The following ABCD2 variants were observed in gnomAD, a reference collection of about 807,000 sequenced individuals.
ABCD2 encodes ATP-binding cassette sub-family D member 2.
ABCD2 carries 36 observed loss-of-function variants against 70.9 expected under a neutral mutation model. That is an observed-to-expected ratio of 0.51 (90% CI 0.39 to 0.67). The LOEUF is 0.67. Ranked by LOEUF, ABCD2 falls within the 30% of genes least tolerant of loss-of-function variation. The pLI is 0.00. For missense variants in ABCD2, 729 were observed against 890.2 expected (o/e 0.82, Z 2.30); for synonymous variants, 304 against 306.9 (o/e 0.99, Z 0.10).
the ABCD2 span, among the ~76,000 whole-genome samples, chr12:39,531,410 G>C: frequency 4.6e-5 from 7 of 152,180 alleles, no homozygotes; most frequent in African/African-American, 1.2e-4. Flanking sequence ...AAGGAGGCTT[G>C]AGGGAACTTG....
chr12:39,603,197 G>A (rs745705378), intron 5 of ABCD2, among the ~76,000 whole-genome samples: 6 of 152,072 alleles, frequency 3.9e-5, no homozygotes, highest in Non-Finnish European at 7.4e-5. Flanking sequence ...TATCATGTTT[G>A]TAATTCTTTT....
intron 9 of ABCD2, among the ~76,000 whole-genome samples, chr12:39,565,065 T>A (rs190613092): frequency 3.9e-5 from 6 of 152,356 alleles, no homozygotes; most frequent in Non-Finnish European, 7.3e-5. Context: ...GGTAGCGTGA[T>A]GCCTCCAGCT....
chr12:39,560,487 A>G (rs760143678), intron 9 of ABCD2, among the ~76,000 whole-genome samples: 6 of 152,220 alleles, frequency 3.9e-5, no homozygotes, highest in Non-Finnish European at 5.9e-5. Flanking sequence ...ACAAAAAGAC[A>G]AAACTATTAA....
At chr12:39,534,768 AAGAAAGAAAG>A in the ABCD2 span, among the ~76,000 whole-genome samples, 164 of 33,834 alleles carry the variant, frequency 4.8e-3, 1 homozygote, top group South Asian at 0.038. Flanking sequence ...AAGAGAAAGA[AAGAAAGAAAG>A]AAAGAAAGAA....
intron 9 of ABCD2, 64 bp from the exon 10 acceptor site, chr12:39,554,195 T>C: frequency 2.0e-6 from 3 of 1,487,228 alleles, no homozygotes; most frequent in Admixed American, 4.3e-5. Flanking sequence ...TAGTTGTAGG[T>C]TTATCATTCA....
chr12:39,569,680 A>G (rs1049329187), intron 9 of ABCD2, among the ~76,000 whole-genome samples: 2 of 152,082 alleles, frequency 1.3e-5, no homozygotes, highest in Non-Finnish European at 2.9e-5. Flanking sequence ...CCGGTACCTC[A>G]GTTGGAAATG....
At chr12:39,565,526 T>G (rs1399894976) in intron 9 of ABCD2, among the ~76,000 whole-genome samples, 3 of 152,232 alleles carry the variant, frequency 2.0e-5, no homozygotes, top group African/African-American at 7.2e-5. Flanking sequence ...AAGGGGATTT[T>G]GGGCTGAGAC....
chr12:39,570,934 G>A (rs762535659), intron 9 of ABCD2, among the ~76,000 whole-genome samples: 1 of 152,104 alleles, frequency 6.6e-6, no homozygotes, highest in Non-Finnish European at 1.5e-5. Flanking sequence ...ATGGACAGAA[G>A]ATCTGAATGA....
chr12:39,613,107 C>CCTCAGGTAACTATTTT (rs1269919507), intron 2 of ABCD2, among the ~76,000 whole-genome samples: 1 of 138,088 alleles, frequency 7.2e-6, no homozygotes, highest in African/African-American at 3.2e-5. Flanking sequence ...AGGTTGTGGG[C>CCTCAGGTAACTATTTT]CGGGCGCGGT....
intron 2 of ABCD2, among the ~76,000 whole-genome samples, chr12:39,609,257 G>T (rs1942013590): frequency 6.6e-6 from 1 of 152,186 alleles, no homozygotes; most frequent in Admixed American, 6.5e-5. Flanking sequence ...ATCAGACTAG[G>T]TTTGAATCTA....
At chr12:39,589,384 GTT>G (rs397850115) in intron 6 of ABCD2, among the ~76,000 whole-genome samples, 46 of 125,096 alleles carry the variant, frequency 3.7e-4, no homozygotes, top group Middle Eastern at 4.3e-3. Context: ...TTTGGTCTGG[GTT>G]TTTTTTTTTT....
chr12:39,603,792 C>A (rs934121258), intron 5 of ABCD2, 120 bp downstream of exon 5: 7 of 706,646 alleles, frequency 9.9e-6, no homozygotes, highest in African/African-American at 3.6e-5. Flanking sequence ...CTGTGCATAC[C>A]TTTCTTGATT....
intron 6 of ABCD2, among the ~76,000 whole-genome samples, chr12:39,589,595 G>A (rs1941716482): frequency 6.6e-6 from 1 of 151,916 alleles, no homozygotes; most frequent in Non-Finnish European, 1.5e-5. Context: ...TACCGTGTTA[G>A]CCAGGATGGT....
At chr12:39,575,312 G>T (rs1177379166) in intron 8 of ABCD2, among the ~76,000 whole-genome samples, 1 of 152,108 alleles carries the variant, frequency 6.6e-6, no homozygotes, top group Non-Finnish European at 1.5e-5. Context: ...TACTCTAGCA[G>T]ATGTAAGATC....
At chr12:39,555,242 C>G (rs183607800) in intron 9 of ABCD2, among the ~76,000 whole-genome samples, 1 of 152,136 alleles carries the variant, frequency 6.6e-6, no homozygotes, top group Non-Finnish European at 1.5e-5. Context: ...TCCCCTCTCT[C>G]TATAGATTTC....
chr12:39,548,288 G>A (rs1941045778), downstream of ABCD2, among the ~76,000 whole-genome samples: 1 of 151,998 alleles, frequency 6.6e-6, no homozygotes, highest in Non-Finnish European at 1.5e-5. Context: ...TGGCAGGTTA[G>A]GTATATTAAA....
chr12:39,570,645 C>T (rs1941434688), intron 9 of ABCD2, among the ~76,000 whole-genome samples: 1 of 152,046 alleles, frequency 6.6e-6, no homozygotes, highest in Non-Finnish European at 1.5e-5. Flanking sequence ...GCAAAAATTT[C>T]ATGACAATGA....
chr12:39,554,792 G>A (rs376951911), intron 9 of ABCD2, among the ~76,000 whole-genome samples: 8 of 152,180 alleles, frequency 5.3e-5, no homozygotes, highest in East Asian at 3.9e-4. Context: ...AAAGGAGGCT[G>A]AGGTCACCAT....
At chr12:39,554,815 G>C (rs1941138160) in intron 9 of ABCD2, among the ~76,000 whole-genome samples, 1 of 152,142 alleles carries the variant, frequency 6.6e-6, no homozygotes, top group Non-Finnish European at 1.5e-5. Context: ...TGTCGGCTTT[G>C]TGGGGGATAT....
Sources: gnomAD v4.1 joint callset for allele counts (sites outside exome capture counted in the v4.1 genomes callset) on GRCh38, gnomAD v4.1.1 for gene constraint, MANE v1.5 for transcripts, NCBI Gene and HGNC (gene_info 2026-07-23, HGNC 2026-07-21) for gene names.